The following CTNND2 variants were observed in gnomAD, a reference collection of about 807,000 sequenced individuals.
CTNND2 encodes the protein catenin delta 2, also known as catenin delta-2.
In CTNND2, 22 loss-of-function variants were observed where a neutral mutation model predicts 144.4. The ratio of observed to expected loss-of-function variants is 0.15; its 90% CI spans 0.11 to 0.22. CTNND2 has a LOEUF of 0.22. Ranked by LOEUF, CTNND2 falls within the 10% of genes least tolerant of loss-of-function variation. The probability of loss-of-function intolerance (pLI) is 1.00; values close to 1 mark genes in which losing one functional copy is unlikely to be tolerated. For missense variants in CTNND2, 1,353 were observed against 1,618.8 expected (o/e 0.84, Z 2.82); for synonymous variants, 751 against 695.6 (o/e 1.08, Z -1.25).
chr5:11,173,711 C>T (rs1760178323), intron 11 of CTNND2, among the ~76,000 whole-genome samples: 1 of 152,110 alleles, frequency 6.6e-6, no homozygotes, highest in Admixed American at 6.6e-5. Context: ...CCAATTGGAG[C>T]TATAAGGTTA....
rs73045120 is a variant in CTNND2, at chr5:11,746,507, A to C, written c.38-14235T>G. Reference sequence around the variant, plus strand: ...TAAAAAAAACTTTTAATGTTTTTGAAATCGGGATGGTTCTTCATGTGACTA... The same window carrying C: ...TAAAAAAAACTTTTAATGTTTTTGACATCGGGATGGTTCTTCATGTGACTA... On this transcript the variant is annotated intron_variant, in intron 1 of 21. Transcript: ENST00000304623. 5.2e-3 allele frequency among the ~76,000 whole-genome samples: 796 copies of C among 152,224 alleles called. 10 individuals carry two copies. Among genetic ancestry groups the C allele is most frequent in the African/African-American group, 0.019 (774 of 41,516 alleles).
intron 2 of CTNND2, among the ~76,000 whole-genome samples, chr5:11,683,367 C>A (rs1452513609): frequency 6.6e-6 from 1 of 152,132 alleles, no homozygotes; most frequent in Admixed American, 6.5e-5. Context: ...AATAAATAGG[C>A]TTCATTACTC....
At chr5:11,225,305 T>C (rs1740213156) in intron 10 of CTNND2, among the ~76,000 whole-genome samples, 1 of 152,188 alleles carries the variant, frequency 6.6e-6, no homozygotes, top group African/African-American at 2.4e-5. Context: ...CCTTTTGGTT[T>C]TCTCTTAAAA....
At chr5:11,614,125 T>C (rs963817968) in intron 2 of CTNND2, among the ~76,000 whole-genome samples, 3 of 152,240 alleles carry the variant, frequency 2.0e-5, no homozygotes, top group Non-Finnish European at 4.4e-5. Context: ...TGTGATTATT[T>C]TGAAGGTAAC....
Position 11,869,607 on chromosome 5 carries a change from C to T in CTNND2, c.37+34210G>A, listed in dbSNP as rs550596409. Among the ~76,000 whole-genome samples the T allele has an allele frequency of 2.9e-4, 44 of 152,282 alleles. No homozygotes were observed. The South Asian group carries it at 8.7e-3, about 30-fold the overall frequency. ...ATGGAGAATTACTGTTTAATTGGTACAGAGCTGCTATTCGAAATAATGCAA... is the reference window on the plus strand; with the variant it reads ...ATGGAGAATTACTGTTTAATTGGTATAGAGCTGCTATTCGAAATAATGCAA... On this transcript the variant is annotated intron_variant, in intron 1 of 21. Coordinates refer to ENST00000304623, the MANE Select transcript of CTNND2 (RefSeq NM_001332.4).
chr5:11,248,879 T>G (rs1743282944), intron 9 of CTNND2, among the ~76,000 whole-genome samples: 1 of 152,262 alleles, frequency 6.6e-6, no homozygotes, highest in Non-Finnish European at 1.5e-5. Flanking sequence ...ATATCCATTT[T>G]TGGTTTTCAT....
intron 1 of CTNND2, among the ~76,000 whole-genome samples, chr5:11,856,560 T>C (rs1231909947): frequency 6.6e-6 from 1 of 151,436 alleles, no homozygotes; most frequent in Non-Finnish European, 1.5e-5. Flanking sequence ...AAAAGAGAGG[T>C]GGGAGGGAAG....
chr5:11,868,743 G>A (rs1366003866), intron 1 of CTNND2, among the ~76,000 whole-genome samples: 1 of 152,090 alleles, frequency 6.6e-6, no homozygotes, highest in African/African-American at 2.4e-5. Context: ...TGTAAGAAGA[G>A]GAAAAAAGAC....
chr5:11,350,091 C>A (rs965708346), intron 8 of CTNND2, among the ~76,000 whole-genome samples: 1 of 152,056 alleles, frequency 6.6e-6, no homozygotes, highest in African/African-American at 2.4e-5. Flanking sequence ...GAGCTGAGAT[C>A]GTGCCATTGC....
chr5:11,867,410 T>C (rs1213729187), intron 1 of CTNND2, among the ~76,000 whole-genome samples: 1 of 152,230 alleles, frequency 6.6e-6, no homozygotes, highest in Admixed American at 6.5e-5. Flanking sequence ...CAGATTATTA[T>C]AATCAGCCAA....
chr5:11,357,025 G>T (rs1755960443), intron 8 of CTNND2, among the ~76,000 whole-genome samples: 1 of 151,822 alleles, frequency 6.6e-6, no homozygotes, highest in Admixed American at 6.6e-5. Context: ...AAAAGAAAAA[G>T]AAAAGTGTTG....
At chr5:11,626,689 G>A (rs1179086474) in intron 2 of CTNND2, among the ~76,000 whole-genome samples, 1 of 152,078 alleles carries the variant, frequency 6.6e-6, no homozygotes, top group Non-Finnish European at 1.5e-5. Flanking sequence ...TCAGATATAG[G>A]AAGCTATGAC....
intron 2 of CTNND2, among the ~76,000 whole-genome samples, chr5:11,694,163 C>T (rs139233759): frequency 5.9e-5 from 9 of 152,006 alleles, no homozygotes; most frequent in East Asian, 1.9e-4. Context: ...GGGCCAGGCG[C>T]GGTGGCTCAT....
chr5:11,861,333 T>C (rs1187091567), intron 1 of CTNND2, among the ~76,000 whole-genome samples: 1 of 152,030 alleles, frequency 6.6e-6, no homozygotes, highest in East Asian at 1.9e-4. Context: ...AATAAAAACA[T>C]AACAAACATG....
intron 1 of CTNND2, among the ~76,000 whole-genome samples, chr5:11,896,137 A>G (rs1002466146): frequency 2.0e-5 from 3 of 152,194 alleles, no homozygotes; most frequent in Non-Finnish European, 4.4e-5. Flanking sequence ...TCTTAATTAC[A>G]GCATTAAATA....
Position 11,452,222 on chromosome 5 carries a change from G to T in CTNND2, c.288-40153C>A, listed in dbSNP as rs1037716829. Among the ~76,000 whole-genome samples, 87 of 152,110 alleles carry T rather than the reference G, an allele frequency of 5.7e-4. 1 individual carries two copies. Among genetic ancestry groups the T allele is most frequent in the African/African-American group, 2.1e-3 (85 of 41,408 alleles). Reference sequence around the variant, plus strand: ...AAACGGCAAATGCAATTCAATATTTGCTTTTTTTATCCTGGTTTTTCAACT... The same window carrying T: ...AAACGGCAAATGCAATTCAATATTTTCTTTTTTTATCCTGGTTTTTCAACT... On this transcript the variant is annotated intron_variant, in intron 3 of 21. Transcript: ENST00000304623.
chr5:11,216,783 A>C (rs1325659056), intron 10 of CTNND2, among the ~76,000 whole-genome samples: 1 of 152,254 alleles, frequency 6.6e-6, no homozygotes, highest in Non-Finnish European at 1.5e-5. Flanking sequence ...TCGCTGGATA[A>C]GAAGTGGCTG....
At chr5:11,360,130 C>T (rs1419717455) in intron 8 of CTNND2, among the ~76,000 whole-genome samples, 1 of 151,908 alleles carries the variant, frequency 6.6e-6, no homozygotes, top group Admixed American at 6.6e-5. Flanking sequence ...AATTAGTCTT[C>T]ATAATAAAGT....
intron 1 of CTNND2, among the ~76,000 whole-genome samples, chr5:11,867,805 C>T (rs1795844335): frequency 6.6e-6 from 1 of 151,858 alleles, no homozygotes; most frequent in African/African-American, 2.4e-5. Context: ...TAGTAAAACA[C>T]CAACTTACAC....
Sources: allele counts gnomAD v4.1 joint callset (sites outside exome capture counted in the v4.1 genomes callset), GRCh38; gene constraint gnomAD v4.1.1; transcripts MANE v1.5; gene names NCBI Gene and HGNC (gene_info 2026-07-23, HGNC 2026-07-21).